Variants in NCKAP5 observed in about 807,000 individuals in gnomAD.
NCKAP5 encodes the protein nck-associated protein 5.
A neutral mutation model predicts 167.0 loss-of-function variants in NCKAP5; 92 were observed. The observed-to-expected ratio is 0.55, with a 90% CI of 0.47 to 0.66. The LOEUF is 0.66. Ranked by LOEUF, NCKAP5 falls within the 30% of genes least tolerant of loss-of-function variation. NCKAP5 has a pLI of 0.00. For synonymous variants in NCKAP5, 891 were observed against 877.4 expected (o/e 1.02, Z -0.27); for missense variants, 2,378 against 2,315.0 (o/e 1.03, Z -0.56).
intron 16 of NCKAP5, among the ~76,000 whole-genome samples, chr2:132,754,008 A>T (rs961281777): frequency 6.6e-6 from 1 of 152,240 alleles, no homozygotes; most frequent in East Asian, 1.9e-4. Flanking sequence ...TCTATACTCC[A>T]GCATTTCCCA....
chr2:133,596,202 T>G, the NCKAP5 span: 2 of 158,132 alleles, frequency 1.3e-5, no homozygotes, highest in African/African-American at 4.8e-5. Flanking sequence ...TCACTCCATG[T>G]GCGTCCCTCC....
At chr2:132,927,649 T>C (rs2149038422) in intron 8 of NCKAP5, among the ~76,000 whole-genome samples, 1 of 152,178 alleles carries the variant, frequency 6.6e-6, no homozygotes, top group East Asian at 1.9e-4. Context: ...TTAAATGGGA[T>C]TGACTTGTGG....
At position 133,074,367 on chromosome 2, in the gene NCKAP5, T is replaced by A. The variant is rs574340691; in HGVS notation, c.341+55611A>T. Among the ~76,000 whole-genome samples the A allele has an allele frequency of 6.9e-3, 712 of 103,596 alleles. 4 individuals are homozygous for A. Among genetic ancestry groups the A allele is most frequent in the Non-Finnish European group, 0.012 (545 of 46,202 alleles). 68.0% of individuals were successfully genotyped at this position (103,596 alleles called of 152,430 possible). On this transcript the variant is annotated intron_variant, in intron 6 of 19. Transcript: ENST00000409261. ...CATACCAAAAAACCGAAAATTTAATTAATTTTTTTTGAGACAGGGTCTCAC... is the reference window on the plus strand; with the variant it reads ...CATACCAAAAAACCGAAAATTTAATAAATTTTTTTTGAGACAGGGTCTCAC...
intron 16 of NCKAP5, among the ~76,000 whole-genome samples, chr2:132,765,086 A>G (rs1266990951): frequency 6.6e-6 from 1 of 152,336 alleles, no homozygotes; most frequent in East Asian, 1.9e-4. Context: ...TTGAACATCT[A>G]CGTAGCTTGT....
chr2:132,813,161 A>G lies in NCKAP5; in HGVS notation c.808-16432T>C, dbSNP rs115480075. On this transcript the variant is annotated intron_variant, in intron 11 of 19. Coordinates refer to ENST00000409261, the MANE Select transcript of NCKAP5 (RefSeq NM_207363.3). The stretch of plus-strand genomic sequence containing the variant: ...TGCCATTTTCTGCAAAAAGTTCAGC[A>G]AGACCACAGAGGCAAGTTCAAGAGG... 1.1e-3 allele frequency among the ~76,000 whole-genome samples: 166 copies of G among 152,338 alleles called. 2 individuals are homozygous for G. Among genetic ancestry groups the G allele is most frequent in the Non-Finnish European group, 1.6e-3 (112 of 68,032 alleles).
chr2:133,025,511 G>T (rs1356305686), intron 6 of NCKAP5, among the ~76,000 whole-genome samples: 1 of 152,174 alleles, frequency 6.6e-6, no homozygotes, highest in Non-Finnish European at 1.5e-5. Flanking sequence ...TGTGAGAGGT[G>T]TGAAAAATTG....
the NCKAP5 span, among the ~76,000 whole-genome samples, chr2:133,629,037 G>A: frequency 6.6e-6 from 1 of 152,114 alleles, no homozygotes; most frequent in Non-Finnish European, 1.5e-5. Context: ...AGAAACCCTA[G>A]AAGAAAATCT....
At chr2:132,933,329 C>G (rs973381413) in intron 8 of NCKAP5, among the ~76,000 whole-genome samples, 1 of 152,148 alleles carries the variant, frequency 6.6e-6, no homozygotes, top group African/African-American at 2.4e-5. Flanking sequence ...TCCCATTAGA[C>G]CATGAGTGAG....
intron 8 of NCKAP5, among the ~76,000 whole-genome samples, chr2:132,889,420 A>G (rs13415560): frequency 0.31 from 47,641 of 151,738 alleles, 7,683 homozygotes; most frequent in Non-Finnish European, 0.36. Context: ...TACCTGCAGG[A>G]GCTATGCTGG....
intron 11 of NCKAP5, among the ~76,000 whole-genome samples, chr2:132,815,533 C>T (rs72991319): frequency 0.095 from 14,510 of 152,176 alleles, 826 homozygotes; most frequent in East Asian, 0.2. Context: ...ACATTTATTA[C>T]ATATAAATCT....
intron 2 of NCKAP5, among the ~76,000 whole-genome samples, chr2:133,531,372 A>G (rs1674324589): frequency 6.6e-6 from 1 of 152,110 alleles, no homozygotes; most frequent in South Asian, 2.1e-4. Flanking sequence ...ACTCTTGAGA[A>G]TTATTTACAT....
intron 19 of NCKAP5, among the ~76,000 whole-genome samples, chr2:132,715,813 G>A (rs1406700743): frequency 6.6e-6 from 1 of 152,168 alleles, no homozygotes; most frequent in Non-Finnish European, 1.5e-5. Flanking sequence ...ACCAAATTAG[G>A]TAGCTGGACC....
rs973213902 is a variant in NCKAP5 at position 133,526,781 on chromosome 2, G to A, written c.-61-9194C>T. 3.3e-5 allele frequency among the ~76,000 whole-genome samples: 5 copies of A among 152,054 alleles called. No homozygotes were observed. In the East Asian group the frequency reaches 7.7e-4, roughly 24 times the overall value. On this transcript the variant is annotated intron_variant, in intron 2 of 19. Coordinates refer to ENST00000409261, the MANE Select transcript of NCKAP5 (RefSeq NM_207363.3). ...AGATTTATAATACATTACATAAAAC[G>A]TCTACATGTTGCCTGTGAACTCCTA... is the stretch of plus-strand genomic sequence containing the variant.
chr2:133,072,794 C>T (rs966020708), intron 6 of NCKAP5, among the ~76,000 whole-genome samples: 2 of 151,982 alleles, frequency 1.3e-5, no homozygotes, highest in African/African-American at 4.8e-5. Context: ...AAAAATTGAA[C>T]CAAGTCACGT....
At position 133,471,799 on chromosome 2, in the gene NCKAP5, C is replaced by G. The variant is rs117955280; in HGVS notation, c.69+45659G>C. On this transcript the variant is annotated intron_variant, in intron 3 of 19. Transcript: ENST00000409261. The stretch of plus-strand genomic sequence containing the variant: ...CCAAATGCCCTCTACTGTCTCTCAC[C>G]TCATCAGGGCTACCACTGCAATGCC... Among the ~76,000 whole-genome samples, 1,090 of 152,266 alleles carry G rather than the reference C, an allele frequency of 7.2e-3. 49 individuals carry two copies. The East Asian group carries it at 0.1, about 14-fold the overall frequency.
intron 15 of NCKAP5, among the ~76,000 whole-genome samples, chr2:132,778,582 T>C (rs1412769525): frequency 6.6e-6 from 1 of 152,176 alleles, no homozygotes; most frequent in Non-Finnish European, 1.5e-5. Context: ...ACAGTGGTTT[T>C]ATTTAGAAAA....
At position 133,448,054 on chromosome 2, in the gene NCKAP5, A is replaced by G. The variant is rs558093082; in HGVS notation, c.69+69404T>C. On this transcript the variant is annotated intron_variant, in intron 3 of 19. Transcript: ENST00000409261. ...AATAGGCTAGCAAGAAGCGCCACAC[A>G]CAGCAGCAGAACAAAGCAGAAGTGG... is the stretch of plus-strand genomic sequence containing the variant. Among the ~76,000 whole-genome samples, 6 of 152,316 alleles carry G rather than the reference A, an allele frequency of 3.9e-5. No homozygotes were observed. In the South Asian group the frequency reaches 1.2e-3, roughly 32 times the overall value.
At chr2:132,773,693 G>T in intron 16 of NCKAP5, 123 bp downstream of exon 16, 1 of 766,688 alleles carries the variant, frequency 1.3e-6, no homozygotes, top group Non-Finnish European at 2.1e-6. Flanking sequence ...TGGCAACCAT[G>T]TGTGAATAGT....
At chr2:132,701,216 A>G (rs1687852605) in intron 19 of NCKAP5, among the ~76,000 whole-genome samples, 1 of 152,172 alleles carries the variant, frequency 6.6e-6, no homozygotes, top group Admixed American at 6.5e-5. Context: ...AAGATTCTAA[A>G]GTCTATCCTA....
Sources: allele counts gnomAD v4.1 joint callset (sites outside exome capture counted in the v4.1 genomes callset), GRCh38; gene constraint gnomAD v4.1.1; transcripts MANE v1.5; gene names NCBI Gene and HGNC (gene_info 2026-07-23, HGNC 2026-07-21).